Variants in FAM107B observed in about 807,000 individuals in gnomAD.
The protein encoded by FAM107B is protein FAM107B.
FAM107B carries 21 observed loss-of-function variants against 31.5 expected under a neutral mutation model. The observed-to-expected ratio is 0.67, with a 90% confidence interval of 0.47 to 0.96. The LOEUF (loss-of-function observed/expected upper bound fraction) is 0.96, where lower values mean the gene tolerates loss of function less well. Among genes scored for constraint, FAM107B ranks in the 40% least tolerant of loss-of-function variants. The pLI is 0.00. For missense variants in FAM107B, 452 were observed against 377.1 expected (o/e 1.20, Z -1.64); for synonymous variants, 157 against 141.5 (o/e 1.11, Z -0.78).
Position 14,595,489 on chromosome 10 carries a change from G to A in FAM107B, c.470-64974C>T, listed in dbSNP as rs114586113. ...CACCCAGGCTGGAGTACAGTGGTTCGAGCTCAGCTCACTGCAACCTCCGCC... is the reference window on the plus strand; with the variant it reads ...CACCCAGGCTGGAGTACAGTGGTTCAAGCTCAGCTCACTGCAACCTCCGCC... On this transcript the variant is annotated intron_variant, in intron 2 of 4. Coordinates refer to ENST00000181796, the MANE Select transcript of FAM107B (RefSeq NM_031453.4). Among the ~76,000 whole-genome samples the A allele has an allele frequency of 5.4e-3, 681 of 126,948 alleles. 9 individuals carry two copies. The highest frequency in any genetic ancestry group is 0.019 in the African/African-American group (657 of 33,834). The allele number at this position is 126,948 out of a possible 152,430, so 83.3% of individuals were successfully genotyped here. A position where few individuals can be genotyped will look rare whatever the true frequency, so the allele number is the denominator to read the frequency against.
intron 1 of FAM107B, among the ~76,000 whole-genome samples, chr10:14,742,555 T>C (rs1832638271): frequency 6.6e-6 from 1 of 152,214 alleles, no homozygotes; most frequent in African/African-American, 2.4e-5. Context: ...GGGTAGCTAC[T>C]CACTAAATAT....
intron 1 of FAM107B, among the ~76,000 whole-genome samples, chr10:14,720,087 C>T (rs1275624890): frequency 2.6e-5 from 4 of 152,166 alleles, no homozygotes; most frequent in Admixed American, 2.6e-4. Flanking sequence ...AGGCAAGTCA[C>T]AACCTCTTTG....
intron 2 of FAM107B, among the ~76,000 whole-genome samples, chr10:14,543,299 T>A (rs1217153023): frequency 1.3e-5 from 2 of 152,298 alleles, no homozygotes; most frequent in African/African-American, 4.8e-5. Flanking sequence ...AAAAAACACT[T>A]TTTTGAATTG....
chr10:14,629,857 TATG>T (rs1419405827), intron 2 of FAM107B, among the ~76,000 whole-genome samples: 6 of 152,026 alleles, frequency 3.9e-5, no homozygotes, highest in African/African-American at 7.2e-5. Context: ...TATGGCATAA[TATG>T]ATATAAATTT....
At chr10:14,567,720 G>A (rs1588609662) in intron 2 of FAM107B, among the ~76,000 whole-genome samples, 1 of 152,318 alleles carries the variant, frequency 6.6e-6, no homozygotes, top group South Asian at 2.1e-4. Context: ...GTTGGAAAGG[G>A]ACCTGGAATG....
chr10:14,720,536 G>A (rs1056908199), intron 1 of FAM107B, among the ~76,000 whole-genome samples: 2 of 152,208 alleles, frequency 1.3e-5, no homozygotes, highest in African/African-American at 2.4e-5. Flanking sequence ...TTACAGGTGT[G>A]AGTCACCATG....
At chr10:14,541,200 T>C (rs1481011523) in intron 2 of FAM107B, among the ~76,000 whole-genome samples, 1 of 152,072 alleles carries the variant, frequency 6.6e-6, no homozygotes, top group East Asian at 1.9e-4. Context: ...CTCCATCCCC[T>C]CCGGTTGCCT....
intron 2 of FAM107B, among the ~76,000 whole-genome samples, chr10:14,620,645 T>C (rs1852986618): frequency 6.6e-6 from 1 of 152,154 alleles, no homozygotes; most frequent in Non-Finnish European, 1.5e-5. Flanking sequence ...ACCCGTCAAC[T>C]ACATTAGGTA....
intron 1 of FAM107B, among the ~76,000 whole-genome samples, chr10:14,712,993 T>A (rs560868519): frequency 1.3e-5 from 2 of 152,256 alleles, no homozygotes; most frequent in East Asian, 3.9e-4. Flanking sequence ...TGCAGCCCAG[T>A]CCTTGGTTAC....
At position 14,660,099 on chromosome 10, in the gene FAM107B, T is replaced by C. The variant is rs151233978; in HGVS notation, c.469+7535A>G. ...GACCTTTAGCAAAAAGAGGGTGTTC[T>C]GATGAAACCCTTTGACCATAACCAA... On this transcript the variant is annotated intron_variant, in intron 2 of 4. Transcript: ENST00000181796. 4.7e-3 allele frequency among the ~76,000 whole-genome samples: 717 copies of C among 152,280 alleles called. 5 individuals carry two copies. Among genetic ancestry groups the C allele is most frequent in the African/African-American group, 0.016 (678 of 41,538 alleles).
chr10:14,659,666 T>C (rs1427630258), intron 2 of FAM107B, among the ~76,000 whole-genome samples: 1 of 152,130 alleles, frequency 6.6e-6, no homozygotes, highest in Non-Finnish European at 1.5e-5. Context: ...ATATAGTGGG[T>C]TCTGGTGGAA....
At chr10:14,686,981 T>C (rs1223632510) in intron 1 of FAM107B, among the ~76,000 whole-genome samples, 1 of 152,246 alleles carries the variant, frequency 6.6e-6, no homozygotes, top group Non-Finnish European at 1.5e-5. Flanking sequence ...AGTCATGTCA[T>C]GTAACTCATT....
intron 2 of FAM107B, among the ~76,000 whole-genome samples, chr10:14,614,196 A>G (rs1852796323): frequency 1.3e-5 from 2 of 152,126 alleles, no homozygotes; most frequent in African/African-American, 2.4e-5. Context: ...TTGTCCTGGG[A>G]GGTTCACAGA....
intron 1 of FAM107B, among the ~76,000 whole-genome samples, chr10:14,680,489 G>T (rs4750547): frequency 1.3e-5 from 2 of 150,930 alleles, no homozygotes; most frequent in South Asian, 2.1e-4. Flanking sequence ...CAGGAGAATC[G>T]CTTGAACCCC....
chr10:14,522,884 T>A (rs1004167378), intron 3 of FAM107B, among the ~76,000 whole-genome samples: 4 of 152,268 alleles, frequency 2.6e-5, no homozygotes, highest in Middle Eastern at 3.4e-3. Flanking sequence ...TGCAGAACCT[T>A]AATCCCCTAA....
chr10:14,699,959 C>T (rs1298686121), intron 1 of FAM107B, among the ~76,000 whole-genome samples: 1 of 152,028 alleles, frequency 6.6e-6, no homozygotes, highest in Non-Finnish European at 1.5e-5. Context: ...TTGAGATGGA[C>T]TCCCGCTCTG....
intron 1 of FAM107B, among the ~76,000 whole-genome samples, chr10:14,692,599 C>T (rs561929492): frequency 2.0e-5 from 3 of 152,176 alleles, no homozygotes; most frequent in South Asian, 2.1e-4. Context: ...TGAACATACC[C>T]GTTTGTCATG....
At chr10:14,693,074 G>A (rs2245326) in intron 1 of FAM107B, among the ~76,000 whole-genome samples, 45,770 of 152,144 alleles carry the variant, frequency 0.3, 7,145 homozygotes, top group Admixed American at 0.36. Flanking sequence ...AAATGACATC[G>A]CAGAGAGCTG....
intron 1 of FAM107B, among the ~76,000 whole-genome samples, chr10:14,712,287 A>C (rs1318649708): frequency 6.6e-6 from 1 of 152,146 alleles, no homozygotes; most frequent in Non-Finnish European, 1.5e-5. Context: ...AAAATTAAAA[A>C]AAAATGTTTA....
Sources: allele counts gnomAD v4.1 joint callset (sites outside exome capture counted in the v4.1 genomes callset), GRCh38; gene constraint gnomAD v4.1.1; transcripts MANE v1.5; gene names NCBI Gene and HGNC (gene_info 2026-07-23, HGNC 2026-07-21).